ACLY: variants seen among roughly 807,000 people sequenced by gnomAD.
The protein encoded by ACLY is ATP citrate lyase, also known as ATP-citrate synthase.
Under a neutral mutation model 133.0 loss-of-function variants are expected in ACLY, and 41 were observed. The observed-to-expected ratio is 0.31, with a 90% confidence interval of 0.24 to 0.40. The LOEUF is 0.40. Among genes scored for constraint, ACLY ranks in the 10% least tolerant of loss-of-function variants. The pLI is 1.00. For synonymous variants in ACLY, 495 were observed against 549.3 expected, an observed-to-expected ratio of 0.90 and a Z score of 1.38; for missense variants, 1,046 against 1,453.8, an observed-to-expected ratio of 0.72 and a Z score of 4.56.
Position 41,927,481 on chromosome 17 carries a change from C to T in ACLY, c.-28+2877G>A, listed in dbSNP as rs1555636112. On this transcript the variant is annotated intron_variant, in intron 1 of 3. Coordinates refer to the ACLY transcript ENST00000592970. ...GATTACAGGTGTGAGCTACCACACC[C>T]GGCCACATTTAAATATTTCTAGTTA... Among the ~76,000 whole-genome samples, 5 of 152,216 alleles carry T rather than the reference C, an allele frequency of 3.3e-5. No individual in the cohort carries two copies. The South Asian group carries it at 8.3e-4, about 25-fold the overall frequency.
chr17:41,912,331 TG>T, intron 3 of ACLY, 88 bp downstream of exon 3: 2 of 1,531,868 alleles, frequency 1.3e-6, no homozygotes, highest in South Asian at 1.2e-5. Flanking sequence ...AGACTGGCTG[TG>T]GGGGTGATCC....
In ACLY at chr17:41,892,358, G is replaced by A. The variant is rs781816445; in HGVS notation, c.1691C>T (p.Pro564Leu). The A allele has an allele frequency of 7.4e-6, 12 of 1,612,086 alleles. No homozygotes were observed. In the African/African-American group the frequency reaches 1.2e-4, roughly 16 times the overall value. The change falls in exon 16 of 29, where the codon CCG (proline) becomes CTG (leucine). Residue 564 changes from proline to leucine, a missense_variant. Coordinates refer to ENST00000352035, the MANE Select transcript of ACLY (RefSeq NM_001096.3). ...KNMADAMRKH[P>L]EVDVLINFAS... Reference sequence around the variant, plus strand: ...AAAGTTGATGAGCACATCTACCTCCGGATGCTTCCTCATGGCATCAGCCAT... The same window carrying A: ...AAAGTTGATGAGCACATCTACCTCCAGATGCTTCCTCATGGCATCAGCCAT...
chr17:41,896,162 G>A (rs528750337), intron 14 of ACLY, among the ~76,000 whole-genome samples: 35 of 152,254 alleles, frequency 2.3e-4, no homozygotes, highest in Non-Finnish European at 4.0e-4. Flanking sequence ...GGAAAGGTGG[G>A]AAAATGACAT....
chr17:41,888,594 G>A (rs1307344073), intron 16 of ACLY, among the ~76,000 whole-genome samples: 1 of 152,158 alleles, frequency 6.6e-6, no homozygotes, highest in African/African-American at 2.4e-5. Flanking sequence ...GGTCAAGATA[G>A]TATTGTAGGG....
chr17:41,919,097 G>A (rs568845851), upstream of ACLY: 28 of 1,192,454 alleles, frequency 2.3e-5, no homozygotes, highest in Non-Finnish European at 2.9e-5. Flanking sequence ...TTCGCTGCTG[G>A]CTTGGCTCCG....
At chr17:41,898,287 A>G (rs965833277) in intron 12 of ACLY, among the ~76,000 whole-genome samples, 5 of 151,934 alleles carry the variant, frequency 3.3e-5, no homozygotes, top group African/African-American at 1.2e-4. Context: ...TAACTTTTGT[A>G]TTTTTAGTAG....
chr17:41,869,662 G>A (rs971173504), intron 25 of ACLY, 75 bp from the exon 26 acceptor site: 31 of 1,316,742 alleles, frequency 2.4e-5, no homozygotes, highest in Non-Finnish European at 3.4e-5. Flanking sequence ...TGTGTTACAG[G>A]TAGGTAGAAC....
At chr17:41,906,481 G>A in intron 8 of ACLY, 47 bp downstream of exon 8, 1 of 1,531,726 alleles carries the variant, frequency 6.5e-7, no homozygotes, top group Non-Finnish European at 9.0e-7. Context: ...ACATGTTGAT[G>A]CTGGGTAGAC....
intron 22 of ACLY, among the ~76,000 whole-genome samples, chr17:41,875,640 C>T (rs1297935495): frequency 6.6e-6 from 1 of 152,210 alleles, no homozygotes; most frequent in African/African-American, 2.4e-5. Flanking sequence ...GACGGGGTTT[C>T]GCTGTGTTGG....
chr17:41,884,218 A>C lies in ACLY; in HGVS notation c.2129T>G (p.Val710Gly). 6.2e-7 allele frequency: 1 copy of C among 1,611,132 alleles called. No homozygotes were observed. Among genetic ancestry groups the C allele is most frequent in the South Asian group, 1.1e-5 (1 of 90,980 alleles). Residue 710 changes from valine (V) to glycine (G), a missense_variant, in exon 19 of 29, where the codon GTC (valine) becomes GGC (glycine). Val to Gly is a moderately radical substitution (Grantham distance 109, BLOSUM62 -3). Coordinates refer to ENST00000352035, the MANE Select transcript of ACLY (RefSeq NM_001096.3). ...CTCTCCAAGAACCACAATCATTTTG[A>C]CTCCTGGAGTGTCCTGATAGCGTAA... ...HVLRYQDTPG[V>G]KMIVVLGEIG...
chr17:41,887,505 G>T, intron 17 of ACLY, 94 bp downstream of exon 17: 1 of 974,404 alleles, frequency 1.0e-6, no homozygotes, highest in Admixed American at 1.8e-5. Context: ...CAACCTAGGA[G>T]GGAGATAGAG....
At chr17:41,907,652 C>A (rs1410403901) in intron 6 of ACLY, 80 bp from the exon 7 acceptor site, 17 of 1,535,228 alleles carry the variant, frequency 1.1e-5, no homozygotes, top group Non-Finnish European at 1.4e-5. Context: ...TCCACAAACA[C>A]CGATCCCATG....
At chr17:41,871,209 T>G (rs1243781303) in intron 25 of ACLY, among the ~76,000 whole-genome samples, 1 of 152,236 alleles carries the variant, frequency 6.6e-6, no homozygotes, top group Non-Finnish European at 1.5e-5. Context: ...CAATCTGTAT[T>G]ATAACATGGA....
intron 1 of ACLY, among the ~76,000 whole-genome samples, chr17:41,916,431 T>A (rs996596938): frequency 6.6e-6 from 1 of 151,666 alleles, no homozygotes; most frequent in African/African-American, 2.4e-5. Context: ...TGGCGTGCAG[T>A]GGAGTGATCT....
intron 18 of ACLY, among the ~76,000 whole-genome samples, chr17:41,885,641 T>C (rs1012014345): frequency 2.0e-5 from 3 of 152,170 alleles, no homozygotes; most frequent in African/African-American, 7.2e-5. Context: ...CTTATATGTA[T>C]TACAATTCAT....
intron 16 of ACLY, among the ~76,000 whole-genome samples, chr17:41,891,805 C>G (rs2049221294): frequency 2.0e-5 from 3 of 152,130 alleles, no homozygotes; most frequent in Admixed American, 2.0e-4. Flanking sequence ...TCAATTGATC[C>G]TCCTGCCTCA....
At chr17:41,923,070 G>A (rs1048747853), upstream of ACLY, among the ~76,000 whole-genome samples, 1 of 152,144 alleles carries the variant, frequency 6.6e-6, no homozygotes, top group Non-Finnish European at 1.5e-5. Context: ...AGTGGCTCAC[G>A]CCTGTAATCC....
intron 22 of ACLY, among the ~76,000 whole-genome samples, chr17:41,877,749 A>T (rs2048801754): frequency 6.6e-6 from 1 of 152,092 alleles, no homozygotes; most frequent in African/African-American, 2.4e-5. Flanking sequence ...CAGGCAGAAA[A>T]ATGTGAAGAA....
At chr17:41,923,616 G>T (rs1236681616), upstream of ACLY, among the ~76,000 whole-genome samples, 2 of 152,120 alleles carry the variant, frequency 1.3e-5, no homozygotes, top group Non-Finnish European at 2.9e-5. Context: ...AGAGTGCCTT[G>T]TTCATTTTGG....
Sources: gnomAD v4.1 joint callset for allele counts (sites outside exome capture counted in the v4.1 genomes callset) on GRCh38, gnomAD v4.1.1 for gene constraint, MANE v1.5 for transcripts, NCBI Gene and HGNC (gene_info 2026-07-23, HGNC 2026-07-21) for gene names.